MBNL2: variants seen among roughly 807,000 people sequenced by gnomAD.
MBNL2 encodes muscleblind-like protein 2.
Under a neutral mutation model 41.9 loss-of-function variants are expected in MBNL2, and 17 were observed. The ratio of observed to expected loss-of-function variants is 0.41; its 90% confidence interval spans 0.28 to 0.61. MBNL2 has a LOEUF of 0.61. Ranked by LOEUF, MBNL2 falls within the 20% of genes least tolerant of loss-of-function variation. The pLI, the probability that MBNL2 is intolerant of heterozygous loss-of-function variation, is 0.35. For missense variants in MBNL2, 336 were observed against 505.6 expected (o/e 0.66, Z 3.22); for synonymous variants, 195 against 182.9 (o/e 1.07, Z -0.53).
intron 1 of MBNL2, among the ~76,000 whole-genome samples, chr13:97,245,484 T>C (rs2152823902): frequency 6.6e-6 from 1 of 152,306 alleles, no homozygotes; most frequent in South Asian, 2.1e-4. Flanking sequence ...GTAATAACTT[T>C]TATGTTGCTG....
At position 97,222,341 on chromosome 13, in the gene MBNL2, T is replaced by C. The variant is rs2040932348; in HGVS notation, c.-795T>C. On this transcript the variant is annotated 5_prime_UTR_variant, in exon 1 of 9. Transcript: ENST00000679496. ...TTACAGCAACAGAGTTTAGACTGTC[T>C]TTGCTTCATCATCTGAAGGTAAAAT... 2.5e-6 allele frequency: 1 copy of C among 398,430 alleles called. No homozygotes were observed. The highest frequency in any genetic ancestry group is 2.1e-5 in the African/African-American group (1 of 48,632). 24.7% of individuals were successfully genotyped at this position (398,430 alleles called of 1,614,324 possible).
At chr13:97,344,098 G>A (rs1002006334) in intron 4 of MBNL2, among the ~76,000 whole-genome samples, 2 of 152,166 alleles carry the variant, frequency 1.3e-5, no homozygotes, top group African/African-American at 2.4e-5. Context: ...GAGCCACCGC[G>A]CCCAGCCCGT....
chr13:97,356,804 G>A lies in MBNL2; in HGVS notation c.813G>A (p.Ser271=). 8 of 1,362,164 alleles carry A rather than the reference G, an allele frequency of 5.9e-6. No individual in the cohort carries two copies. The highest frequency in any genetic ancestry group is 7.9e-6 in the Non-Finnish European group (8 of 1,017,570). 84.4% of individuals were successfully genotyped at this position (1,362,164 alleles called of 1,614,324 possible). A position where few individuals can be genotyped will look rare whatever the true frequency, so the allele number is the denominator to read the frequency against. Residue 271 remains serine, a synonymous_variant, in exon 6 of 9, where the codon TCG becomes TCA. Coordinates refer to ENST00000679496, the MANE Select transcript of MBNL2 (RefSeq NM_001382683.1). ...CTGCCTGTTATTAAAAGACTCAGTC[G>A]ACTGCCAAAGCAATGAAGCGACCTC... ...AAAAATVMTQ[S]TAKAMKRPLE...
At chr13:97,294,312 A>G (rs1243475574) in intron 2 of MBNL2, among the ~76,000 whole-genome samples, 1 of 152,170 alleles carries the variant, frequency 6.6e-6, no homozygotes, top group Non-Finnish European at 1.5e-5. Context: ...GAAATGTAAC[A>G]CTCAGTTCTT....
At chr13:97,230,121 A>G (rs1447102620) in intron 1 of MBNL2, among the ~76,000 whole-genome samples, 2 of 152,192 alleles carry the variant, frequency 1.3e-5, no homozygotes, top group East Asian at 3.9e-4. Flanking sequence ...AACATGGTGA[A>G]ACCCCATCTG....
intron 1 of MBNL2, among the ~76,000 whole-genome samples, chr13:97,267,657 C>A (rs1341689880): frequency 6.6e-6 from 1 of 152,178 alleles, no homozygotes; most frequent in Non-Finnish European, 1.5e-5. Context: ...CGCACCCACC[C>A]CCTCTAGAAG....
chr13:97,287,828 T>G (rs9516892), intron 2 of MBNL2, among the ~76,000 whole-genome samples: 2 of 131,916 alleles, frequency 1.5e-5, no homozygotes, highest in South Asian at 5.3e-4. Flanking sequence ...TGGGTTCAAG[T>G]GATTCTCCTG....
At chr13:97,320,889 T>G (rs1276873975) in intron 2 of MBNL2, among the ~76,000 whole-genome samples, 1 of 152,132 alleles carries the variant, frequency 6.6e-6, no homozygotes, top group Non-Finnish European at 1.5e-5. Flanking sequence ...CACTCCAGCC[T>G]GGGCGACAGG....
At chr13:97,147,382 A>G in the MBNL2 span, among the ~76,000 whole-genome samples, 1 of 152,144 alleles carries the variant, frequency 6.6e-6, no homozygotes, top group African/African-American at 2.4e-5. Flanking sequence ...TTCCATAATC[A>G]TTCCTCCCCA....
chr13:97,214,992 G>A, the MBNL2 span, among the ~76,000 whole-genome samples: 8 of 152,354 alleles, frequency 5.3e-5, no homozygotes, highest in Admixed American at 2.6e-4. Flanking sequence ...TCAACTGTGG[G>A]CAGATCACTC....
At chr13:97,360,469 T>C (rs185623405) in intron 7 of MBNL2, among the ~76,000 whole-genome samples, 1 of 152,320 alleles carries the variant, frequency 6.6e-6, no homozygotes, top group East Asian at 1.9e-4. Flanking sequence ...GACTTTTTCT[T>C]TTCTATGTTA....
chr13:97,206,148 T>A, the MBNL2 span, among the ~76,000 whole-genome samples: 1 of 152,222 alleles, frequency 6.6e-6, no homozygotes, highest in Non-Finnish European at 1.5e-5. Flanking sequence ...TCTACAGTAA[T>A]GAATCAGAGA....
chr13:97,299,347 G>T (rs924393630), intron 2 of MBNL2, among the ~76,000 whole-genome samples: 1 of 152,132 alleles, frequency 6.6e-6, no homozygotes, highest in Non-Finnish European at 1.5e-5. Context: ...TGCCATCAGG[G>T]AGCTTATATT....
At chr13:97,267,674 G>A (rs762512487) in intron 1 of MBNL2, among the ~76,000 whole-genome samples, 1 of 152,116 alleles carries the variant, frequency 6.6e-6, no homozygotes, top group Non-Finnish European at 1.5e-5. Context: ...GAAGGCTATG[G>A]GTCATTGTCT....
the MBNL2 span, among the ~76,000 whole-genome samples, chr13:97,166,933 A>AT: frequency 6.6e-6 from 1 of 152,116 alleles, no homozygotes; most frequent in Admixed American, 6.6e-5. Context: ...GGTAATTCTG[A>AT]TTTGTAGCAT....
the MBNL2 span, among the ~76,000 whole-genome samples, chr13:97,205,947 T>C: frequency 6.6e-6 from 1 of 152,234 alleles, no homozygotes; most frequent in Non-Finnish European, 1.5e-5. Context: ...TTTTTCTTTG[T>C]TTTGTAACCC....
chr13:97,211,945 G>C, the MBNL2 span, among the ~76,000 whole-genome samples: 1 of 152,222 alleles, frequency 6.6e-6, no homozygotes, highest in African/African-American at 2.4e-5. Flanking sequence ...TACTGGGAAA[G>C]AGATAGCAGT....
At chr13:97,204,874 G>T in the MBNL2 span, among the ~76,000 whole-genome samples, 1 of 152,074 alleles carries the variant, frequency 6.6e-6, no homozygotes, top group African/African-American at 2.4e-5. Context: ...AGGAGTTTGA[G>T]ACTAGCCTGG....
At chr13:97,345,284 A>G (rs1553010) in intron 4 of MBNL2, among the ~76,000 whole-genome samples, 17,954 of 152,226 alleles carry the variant, frequency 0.12, 1,131 homozygotes, top group Admixed American at 0.17. Context: ...GAGCCTAAAA[A>G]TAAATAACTT....
Sources: allele counts gnomAD v4.1 joint callset (sites outside exome capture counted in the v4.1 genomes callset), GRCh38; gene constraint gnomAD v4.1.1; transcripts MANE v1.5; gene names NCBI Gene and HGNC (gene_info 2026-07-23, HGNC 2026-07-21).